Variants in MAPK12 observed in about 807,000 individuals in gnomAD.
The protein encoded by MAPK12 is mitogen-activated protein kinase 12.
MAPK12 carries 49 observed loss-of-function variants against 49.1 expected under a neutral mutation model. The ratio of observed to expected loss-of-function variants is 1.00; its 90% CI spans 0.79 to 1.27. The LOEUF (loss-of-function observed/expected upper bound fraction) is 1.27, where lower values mean the gene tolerates loss of function less well. Ranked by LOEUF, MAPK12 falls within the 50% of genes most tolerant of loss-of-function variation. The pLI, the probability that MAPK12 is intolerant of heterozygous loss-of-function variation, is 0.00. For missense variants in MAPK12, 554 were observed against 502.4 expected (o/e 1.10, Z -0.98); for synonymous variants, 251 against 209.7 (o/e 1.20, Z -1.70).
chr22:50,256,675 G>GC, intron 5 of MAPK12, 29 bp from the exon 6 acceptor site: 1 of 1,597,738 alleles, frequency 6.3e-7, no homozygotes, highest in Non-Finnish European at 8.5e-7. Context: ...TGGCCACTGT[G>GC]CCCCACCCTC....
chr22:50,261,445 T>C lies in MAPK12; in HGVS notation c.65A>G (p.Glu22Gly). ...CAGGTCCCGGTACACGGCGCGCACC[T>C]CCCAGGCCGTCTTGGTCACCTCCTG... ...YRQEVTKTAWEVRAVYRDLQP... is the reference protein window; with the variant it reads ...YRQEVTKTAWGVRAVYRDLQP... Residue 22 changes from glutamate (E) to glycine (G), a missense_variant, in exon 1 of 12, where the codon GAG becomes GGG. Glu to Gly is a moderately conservative substitution (Grantham distance 98). Coordinates refer to ENST00000215659, the MANE Select transcript of MAPK12 (RefSeq NM_002969.6). 2 of 1,277,450 alleles carry C rather than the reference T, an allele frequency of 1.6e-6. No homozygotes were observed. Among genetic ancestry groups the C allele is most frequent in the Non-Finnish European group, 2.0e-6 (2 of 989,200 alleles). The allele number at this position is 1,277,450 out of a possible 1,614,324, so 79.1% of individuals were successfully genotyped here.
At position 50,261,593 on chromosome 22, in the gene MAPK12, C is replaced by G. The variant is rs1199098200; in HGVS notation, c.-84G>C. 1 of 1,002,620 alleles carries G rather than the reference C, an allele frequency of 1.0e-6. No individual in the cohort carries two copies. Among genetic ancestry groups the G allele is most frequent in the African/African-American group, 1.8e-5 (1 of 56,058 alleles). The allele number at this position is 1,002,620 out of a possible 1,614,324, so 62.1% of individuals were successfully genotyped here. ...GACGGGGCTCCCTCGGCGCGCGCCT[C>G]GGGCCGGCTCCGCGCCGCTCGTCCG... On this transcript the variant is annotated 5_prime_UTR_variant, in exon 1 of 12. Transcript: ENST00000215659.
intron 2 of MAPK12, chr22:50,260,961 C>G: frequency 1.9e-6 from 1 of 517,084 alleles, no homozygotes; most frequent in Non-Finnish European, 3.2e-6. Context: ...CCGGGGCTGG[C>G]GGAGGATGGG....
Position 50,256,607 on chromosome 22 carries a change from C to T in MAPK12, c.496G>A (p.Glu166Lys), listed in dbSNP as rs1259084256. The T allele has an allele frequency of 6.2e-7, 1 of 1,611,866 alleles. No individual in the cohort carries two copies. Among genetic ancestry groups the T allele is most frequent in the Admixed American group, 1.7e-5 (1 of 59,900 alleles). The part of the protein sequence containing the change: ...PGNLAVNEDC[E>K]LKILDFGLAR... ...TGCCAGGCAGCACACACCTTCAGCT[C>T]ACAGTCTTCGTTCACAGCCAGGTTG... The change falls in exon 6 of 12, where the codon GAG becomes AAG. Residue 166 changes from glutamate to lysine, a missense_variant. Transcript: ENST00000215659.
At chr22:50,259,113 C>T (rs566164409) in intron 2 of MAPK12, among the ~76,000 whole-genome samples, 10 of 152,300 alleles carry the variant, frequency 6.6e-5, no homozygotes, top group Non-Finnish European at 1.3e-4. Context: ...TAAATGCGTC[C>T]TCCTGGCCGT....
At chr22:50,259,021 G>A (rs1162026317) in intron 2 of MAPK12, among the ~76,000 whole-genome samples, 1 of 152,246 alleles carries the variant, frequency 6.6e-6, no homozygotes, top group Non-Finnish European at 1.5e-5. Context: ...AGGCCAGAGG[G>A]AGCCGGCAGG....
chr22:50,255,583 C>CCCCCCCCCCCCCCACCCCCCACCCCCCCA, intron 9 of MAPK12, 32 bp downstream of exon 9: 1 of 1,604,690 alleles, frequency 6.2e-7, no homozygotes, highest in Middle Eastern at 1.7e-4. Context: ...GGTCCGCCCC[C>CCCCCCCCCCCCCCACCCCCCACCCCCCCA]ACCCCCACCC....
rs186830971 is a variant in MAPK12 at position 50,259,788 on chromosome 22, G to A, written c.255+1379C>T. Among the ~76,000 whole-genome samples, 246 of 152,154 alleles carry A rather than the reference G, an allele frequency of 1.6e-3. 2 individuals carry two copies. Among genetic ancestry groups the A allele is most frequent in the African/African-American group, 5.8e-3 (239 of 41,480 alleles). ...AATCCCAGCTACTGAGGAGGCTGAA[G>A]CAGGAGAATCGCCTGAACCCAGGAC... On this transcript the variant is annotated intron_variant, in intron 2 of 11. Transcript: ENST00000215659.
At chr22:50,256,709 C>T in intron 5 of MAPK12, 63 bp from the exon 6 acceptor site, 1 of 1,559,686 alleles carries the variant, frequency 6.4e-7, no homozygotes, top group Non-Finnish European at 8.7e-7. Flanking sequence ...CAGCCAAGAG[C>T]CTGGGTGGCA....
intron 11 of MAPK12, 22 bp from the exon 12 acceptor site, chr22:50,253,502 G>GGT: frequency 2.9e-5 from 5 of 171,684 alleles, no homozygotes; most frequent in South Asian, 4.5e-5. Context: ...GGGGGGGCGG[G>GGT]CACAACAGAG....
intron 2 of MAPK12, among the ~76,000 whole-genome samples, chr22:50,258,966 G>A (rs2065180806): frequency 6.6e-6 from 1 of 152,218 alleles, no homozygotes; most frequent in Non-Finnish European, 1.5e-5. Context: ...AATACAGGGA[G>A]GGAGGCCAGG....
chr22:50,257,269 G>A (rs952602715), intron 3 of MAPK12, 76 bp from the exon 4 acceptor site: 16 of 1,171,682 alleles, frequency 1.4e-5, no homozygotes, highest in South Asian at 1.2e-4. Context: ...GCAGGCCCAG[G>A]CTCAGACCCG....
At chr22:50,260,079 C>T (rs1182741241) in intron 2 of MAPK12, among the ~76,000 whole-genome samples, 3 of 150,368 alleles carry the variant, frequency 2.0e-5, no homozygotes, top group East Asian at 3.9e-4. Context: ...GACGGGGTGT[C>T]GAGGTGCGGG....
intron 11 of MAPK12, 89 bp downstream of exon 11, chr22:50,255,108 C>G (rs778173255): frequency 6.7e-7 from 1 of 1,497,918 alleles, no homozygotes. Flanking sequence ...AGGCCCTACC[C>G]GGAGCCCCCA....
chr22:50,256,308 G>A lies in MAPK12; in HGVS notation c.505-109C>T, dbSNP rs2065150029. On this transcript the variant is annotated intron_variant, in intron 6 of 11. Coordinates refer to ENST00000215659, the MANE Select transcript of MAPK12 (RefSeq NM_002969.6). ...TTGGACTTGAAGCTCCCAAGCTGGGGCCTCCTGACAACCTTCAAGGACTTG... is the reference window on the plus strand; with the variant it reads ...TTGGACTTGAAGCTCCCAAGCTGGGACCTCCTGACAACCTTCAAGGACTTG... The A allele has an allele frequency of 4.7e-6, 4 of 843,376 alleles. No individual in the cohort carries two copies. In the South Asian group the frequency reaches 5.1e-5, roughly 11 times the overall value. 52.2% of individuals were successfully genotyped at this position (843,376 alleles called of 1,614,324 possible). A position where few individuals can be genotyped will look rare whatever the true frequency, so the allele number is the denominator to read the frequency against.
At chr22:50,260,405 G>T (rs1027648548) in intron 2 of MAPK12, among the ~76,000 whole-genome samples, 2 of 152,076 alleles carry the variant, frequency 1.3e-5, no homozygotes, top group African/African-American at 4.8e-5. Context: ...GGGCAGGAGT[G>T]ACGTGGGGGG....
Position 50,256,664 on chromosome 22 carries a change from G to A in MAPK12, c.457-18C>T, listed in dbSNP as rs2065153499. 1.2e-6 allele frequency: 2 copies of A among 1,604,650 alleles called. No individual in the cohort carries two copies. The highest frequency in any genetic ancestry group is 1.7e-5 in the Admixed American group (1 of 58,630). ...TTCAGGTCCTGGGGGCAGAGGAAAG[G>A]TGGCCACTGTGCCCCACCCTCCCAA... is the stretch of plus-strand genomic sequence containing the variant. On this transcript the variant is annotated intron_variant, in intron 5 of 11. Coordinates refer to ENST00000215659, the MANE Select transcript of MAPK12 (RefSeq NM_002969.6).
chr22:50,255,620 C>T lies in MAPK12; in HGVS notation c.766G>A (p.Asp256Asn), dbSNP rs1231217204. The T allele has an allele frequency of 2.0e-5, 29 of 1,485,338 alleles. No individual in the cohort carries two copies. The highest frequency in any genetic ancestry group is 2.6e-5 in the East Asian group (1 of 38,382). The allele number at this position is 1,485,338 out of a possible 1,614,324, so 92.0% of individuals were successfully genotyped here. A position where few individuals can be genotyped will look rare whatever the true frequency, so the allele number is the denominator to read the frequency against. The change falls in exon 9 of 12, where the codon GAT (aspartate) becomes AAT (asparagine). Residue 256 changes from aspartate (D) to asparagine (N), a missense_variant. Coordinates refer to ENST00000215659, the MANE Select transcript of MAPK12 (RefSeq NM_002969.6). Reference protein sequence around the residue: ...PAEFVQRLQSDEAKNYMKGLP... With the variant: ...PAEFVQRLQSNEAKNYMKGLP... ...GCTCCCCACTCACCCCTTACCTCAT[C>T]GCTCTGCAGCCGCTGCACAAACTCA...
Position 50,257,089 on chromosome 22 carries a change from C to G in MAPK12, c.419G>C (p.Gly140Ala), listed in dbSNP as rs1249738488. Residue 140 changes from glycine (G) to alanine (A), a missense_variant, in exon 4 of 12, where the codon GGG (glycine) becomes GCG (alanine). Transcript: ENST00000215659. ...CTCCCCCGGGGCCCGTACCCTCAGC[C>G]CCTTCAGCATCTGGTACACGAGGAA... ...IQFLVYQMLK[G>A]LRYIHAAGII... 2 of 1,612,372 alleles carry G rather than the reference C, an allele frequency of 1.2e-6. No homozygotes were observed. Among genetic ancestry groups the G allele is most frequent in the Admixed American group, 1.7e-5 (1 of 60,000 alleles).
Sources: gnomAD v4.1 joint callset for allele counts (sites outside exome capture counted in the v4.1 genomes callset) on GRCh38, gnomAD v4.1.1 for gene constraint, MANE v1.5 for transcripts, NCBI Gene and HGNC (gene_info 2026-07-23, HGNC 2026-07-21) for gene names.